DSCAML1: variants seen among roughly 807,000 people sequenced by gnomAD.
The protein encoded by DSCAML1 is DS cell adhesion molecule like 1.
A neutral mutation model predicts 200.5 loss-of-function variants in DSCAML1; 38 were observed. The observed-to-expected ratio is 0.19, with a 90% CI of 0.15 to 0.25. The LOEUF (loss-of-function observed/expected upper bound fraction) is 0.25, where lower values mean the gene tolerates loss of function less well. Among genes scored for constraint, DSCAML1 ranks in the 10% least tolerant of loss-of-function variants. The pLI, the probability that DSCAML1 is intolerant of heterozygous loss-of-function variation, is 1.00. For missense variants in DSCAML1, 2,223 were observed against 2,858.8 expected, an observed-to-expected ratio of 0.78 and a Z score of 5.07; for synonymous variants, 1,215 against 1,165.0, an observed-to-expected ratio of 1.04 and a Z score of -0.87.
intron 3 of DSCAML1, among the ~76,000 whole-genome samples, chr11:117,621,557 G>C (rs1241462567): frequency 6.6e-6 from 1 of 152,178 alleles, no homozygotes; most frequent in Non-Finnish European, 1.5e-5. Context: ...AAAAGGAAAA[G>C]CAGGTCCATT....
chr11:117,786,704 C>T (rs981363060), intron 1 of DSCAML1, among the ~76,000 whole-genome samples: 4 of 152,254 alleles, frequency 2.6e-5, no homozygotes, highest in South Asian at 2.1e-4. Context: ...AAGGACAACC[C>T]GAGGGGACTG....
At chr11:117,585,807 G>T (rs925374173) in intron 3 of DSCAML1, among the ~76,000 whole-genome samples, 2 of 152,184 alleles carry the variant, frequency 1.3e-5, no homozygotes, top group African/African-American at 4.8e-5. Flanking sequence ...ACTCCTGGAG[G>T]CGCCGCTGAA....
chr11:117,804,834 G>A (rs1344964123), intron 1 of DSCAML1, among the ~76,000 whole-genome samples: 5 of 152,200 alleles, frequency 3.3e-5, no homozygotes, highest in Non-Finnish European at 2.9e-5. Context: ...GGAGGTTGAG[G>A]TGGGAGGATC....
chr11:117,731,718 A>AC (rs1425388677), intron 3 of DSCAML1, among the ~76,000 whole-genome samples: 1 of 152,022 alleles, frequency 6.6e-6, no homozygotes, highest in Non-Finnish European at 1.5e-5. Context: ...TGTCTCTTTC[A>AC]CCATAGCTTT....
At chr11:117,809,907 ACACACATT>A (rs564001041) in intron 1 of DSCAML1, among the ~76,000 whole-genome samples, 3,142 of 151,808 alleles carry the variant, frequency 0.021, 37 homozygotes, top group Non-Finnish European at 0.025. Flanking sequence ...ACACACTCAC[ACACACATT>A]CACACATTCA....
intron 3 of DSCAML1, among the ~76,000 whole-genome samples, chr11:117,738,103 T>G (rs975799662): frequency 6.6e-6 from 1 of 152,194 alleles, no homozygotes; most frequent in African/African-American, 2.4e-5. Flanking sequence ...AGATGCTTAC[T>G]GCTGAATGAT....
Position 117,437,424 on chromosome 11 carries a change from G to A in DSCAML1, c.4433-15C>T, listed in dbSNP as rs756082818. Reference sequence around the variant, plus strand: ...GAAGGAGGGCTCTGGCAGGCCGGAGGGAGAGAGAGAGGTTAGAGAGATTTG... The same window carrying A: ...GAAGGAGGGCTCTGGCAGGCCGGAGAGAGAGAGAGAGGTTAGAGAGATTTG... On this transcript the variant is annotated splice_polypyrimidine_tract_variant and intron_variant, in intron 25 of 32. Coordinates refer to ENST00000651296, the MANE Select transcript of DSCAML1 (RefSeq NM_020693.4). The surrounding 1 kb of genome is among the most constrained non-coding windows in gnomAD (Gnocchi z 5.3). 1.7e-5 allele frequency: 27 copies of A among 1,607,504 alleles called. No individual in the cohort carries two copies. The highest frequency in any genetic ancestry group is 2.3e-5 in the Non-Finnish European group (27 of 1,175,284).
At chr11:117,533,785 G>A (rs1414535291) in intron 3 of DSCAML1, among the ~76,000 whole-genome samples, 1 of 152,096 alleles carries the variant, frequency 6.6e-6, no homozygotes, top group Non-Finnish European at 1.5e-5. Flanking sequence ...CTGATTTAAA[G>A]GAGAAAACTG....
chr11:117,534,044 A>T (rs751501540), intron 3 of DSCAML1, among the ~76,000 whole-genome samples: 18 of 152,334 alleles, frequency 1.2e-4, no homozygotes, highest in Middle Eastern at 3.4e-3. Context: ...GAAGAACCCG[A>T]TAGCACCACA....
At chr11:117,759,914 T>C (rs1379817341) in intron 3 of DSCAML1, among the ~76,000 whole-genome samples, 2 of 152,106 alleles carry the variant, frequency 1.3e-5, no homozygotes, top group African/African-American at 2.4e-5. Context: ...TTTACAACAG[T>C]TGAGAGCACC....
chr11:117,541,599 A>G (rs1008358706), intron 3 of DSCAML1, among the ~76,000 whole-genome samples: 1 of 152,138 alleles, frequency 6.6e-6, no homozygotes, highest in Non-Finnish European at 1.5e-5. Context: ...GGCCACTTTG[A>G]TCCTTTCCTT....
chr11:117,575,402 C>A (rs2050914323), intron 3 of DSCAML1, among the ~76,000 whole-genome samples: 1 of 152,222 alleles, frequency 6.6e-6, no homozygotes, highest in South Asian at 2.1e-4. Context: ...TAAGTTCCAA[C>A]TGGTGGTTCT....
intron 2 of DSCAML1, among the ~76,000 whole-genome samples, chr11:117,778,481 G>C (rs1371490754): frequency 6.6e-6 from 1 of 152,232 alleles, no homozygotes; most frequent in Non-Finnish European, 1.5e-5. Context: ...CTGGACAAGG[G>C]TTGGTTAACC....
At chr11:117,555,404 G>C (rs2050542423) in intron 3 of DSCAML1, among the ~76,000 whole-genome samples, 1 of 152,160 alleles carries the variant, frequency 6.6e-6, no homozygotes, top group Admixed American at 6.5e-5. Flanking sequence ...TACAGACCCA[G>C]AAACAAACTC....
chr11:117,731,832 CACA>C (rs921023463), intron 3 of DSCAML1, among the ~76,000 whole-genome samples: 11 of 152,210 alleles, frequency 7.2e-5, no homozygotes, highest in African/African-American at 2.7e-4. Flanking sequence ...GATGAAATGG[CACA>C]ACAGGCTATT....
chr11:117,806,187 G>T (rs2055705907), intron 1 of DSCAML1, among the ~76,000 whole-genome samples: 2 of 152,218 alleles, frequency 1.3e-5, no homozygotes, highest in Non-Finnish European at 2.9e-5. Context: ...AGGGCAAGGG[G>T]TTCGATAAGT....
intron 3 of DSCAML1, among the ~76,000 whole-genome samples, chr11:117,695,670 A>C (rs1318807557): frequency 6.6e-6 from 1 of 152,204 alleles, no homozygotes; most frequent in Non-Finnish European, 1.5e-5. Flanking sequence ...GGGTGTACAG[A>C]GAGATCCAAA....
chr11:117,465,237 G>A (rs1755587327), intron 16 of DSCAML1, 55 bp from the exon 17 acceptor site: 1 of 1,593,608 alleles, frequency 6.3e-7, no homozygotes. Context: ...CTGAGATGAT[G>A]CTCTTAAAAC....
chr11:117,455,602 T>C (rs2048355193), intron 19 of DSCAML1, among the ~76,000 whole-genome samples: 1 of 152,250 alleles, frequency 6.6e-6, no homozygotes, highest in Non-Finnish European at 1.5e-5. Flanking sequence ...AACCTGAATT[T>C]ATGTTTGCAT....
Sources: gnomAD v4.1 joint callset for allele counts (sites outside exome capture counted in the v4.1 genomes callset) on GRCh38, gnomAD v4.1.1 for gene constraint, Gnocchi (gnomAD v3.1) non-coding constraint, MANE v1.5 for transcripts, NCBI Gene and HGNC (gene_info 2026-07-23, HGNC 2026-07-21) for gene names.